Variants in ARHGAP17 observed in about 807,000 individuals in gnomAD.
The protein encoded by ARHGAP17 is Rho GTPase activating protein 17.
ARHGAP17 carries 57 observed loss-of-function variants against 99.5 expected under a neutral mutation model. The ratio of observed to expected loss-of-function variants is 0.57; its 90% CI spans 0.46 to 0.71. ARHGAP17 has a LOEUF of 0.71. Ranked by LOEUF, ARHGAP17 falls within the 30% of genes least tolerant of loss-of-function variation. The pLI is 0.00. For synonymous variants in ARHGAP17, 417 were observed against 429.6 expected, an observed-to-expected ratio of 0.97 and a Z score of 0.36; for missense variants, 1,000 against 1,122.4, an observed-to-expected ratio of 0.89 and a Z score of 1.56.
At chr16:24,934,751 C>T (rs527458057) in intron 18 of ARHGAP17, among the ~76,000 whole-genome samples, 263 of 152,302 alleles carry the variant, frequency 1.7e-3, no homozygotes, top group African/African-American at 5.9e-3. Flanking sequence ...GCCACCACGC[C>T]CAGCTGGAAG....
intron 9 of ARHGAP17, among the ~76,000 whole-genome samples, chr16:24,958,764 C>T (rs957297416): frequency 6.6e-6 from 1 of 152,194 alleles, no homozygotes; most frequent in Non-Finnish European, 1.5e-5. Flanking sequence ...CCCCACAACA[C>T]ACACAGACAC....
intron 1 of ARHGAP17, among the ~76,000 whole-genome samples, chr16:24,989,081 A>G (rs763538026): frequency 6.6e-6 from 1 of 152,240 alleles, no homozygotes; most frequent in African/African-American, 2.4e-5. Flanking sequence ...TGAGGCAGCC[A>G]GAGGCTAGGA....
At chr16:24,959,875 C>G in intron 8 of ARHGAP17, 36 bp downstream of exon 8, 1 of 1,609,164 alleles carries the variant, frequency 6.2e-7, no homozygotes, top group Non-Finnish European at 8.5e-7. Context: ...TCCATTTTAA[C>G]AATGCTTTAA....
chr16:24,927,780 T>G (rs2050879904), intron 19 of ARHGAP17: 1 of 824,908 alleles, frequency 1.2e-6, no homozygotes, highest in Admixed American at 3.4e-5. Context: ...TTTGCTAAAA[T>G]CTATTACTTC....
intron 7 of ARHGAP17, among the ~76,000 whole-genome samples, chr16:24,963,707 A>G (rs578037991): frequency 5.3e-5 from 8 of 152,366 alleles, no homozygotes; most frequent in African/African-American, 1.9e-4. Flanking sequence ...CCAAATTACA[A>G]ACCAATTGTT....
intron 9 of ARHGAP17, 39 bp downstream of exon 9, chr16:24,959,632 G>C (rs754384836): frequency 1.3e-6 from 2 of 1,596,054 alleles, no homozygotes; most frequent in Admixed American, 1.7e-5. Flanking sequence ...AGGTGGCAGA[G>C]GCAAGAAGGA....
chr16:24,982,114 AT>A (rs1274367365), intron 1 of ARHGAP17, among the ~76,000 whole-genome samples: 1 of 151,616 alleles, frequency 6.6e-6, no homozygotes. Context: ...TTTTAAATCA[AT>A]TTTAGAGGTT....
chr16:24,953,105 T>G, intron 10 of ARHGAP17, 63 bp from the exon 11 acceptor site: 5 of 1,426,728 alleles, frequency 3.5e-6, no homozygotes, highest in Non-Finnish European at 4.9e-6. Flanking sequence ...TAAGTGGCAG[T>G]GTGTTCTGAT....
intron 10 of ARHGAP17, among the ~76,000 whole-genome samples, chr16:24,953,615 C>T (rs1055033832): frequency 6.6e-6 from 1 of 152,292 alleles, no homozygotes; most frequent in African/African-American, 2.4e-5. Context: ...TGTAAGTTTC[C>T]TGAGGCCTCT....
rs115839487 is a variant in ARHGAP17 at position 24,982,685 on chromosome 16, G to A, written c.54-3680C>T. Among the ~76,000 whole-genome samples the A allele has an allele frequency of 1.1e-4, 16 of 151,962 alleles. No individual in the cohort carries two copies. The South Asian group carries it at 1.7e-3, about 16-fold the overall frequency. On this transcript the variant is annotated intron_variant, in intron 1 of 19. Transcript: ENST00000289968. ...GGTCCAAGCCTTGGTGCTTCCTATC[G>A]TGAACTGTTTTGCAGTGTTCACCTT... is the stretch of plus-strand genomic sequence containing the variant.
intron 1 of ARHGAP17, among the ~76,000 whole-genome samples, chr16:24,985,384 A>G (rs752800748): frequency 5.9e-5 from 9 of 152,360 alleles, no homozygotes; most frequent in Non-Finnish European, 8.8e-5. Flanking sequence ...AGGTGGCAGC[A>G]GGGCTGAATG....
intron 19 of ARHGAP17, among the ~76,000 whole-genome samples, chr16:24,925,469 A>G (rs1038458082): frequency 6.6e-6 from 1 of 152,242 alleles, no homozygotes; most frequent in African/African-American, 2.4e-5. Flanking sequence ...GTGTAATTTT[A>G]TCAGGAACTG....
chr16:24,920,610 T>G (rs1024138422), intron 19 of ARHGAP17: 1 of 214,400 alleles, frequency 4.7e-6, no homozygotes, highest in Non-Finnish European at 9.5e-6. Flanking sequence ...TGATGGCCCC[T>G]GGGCTGCCCT....
At chr16:24,923,495 T>A (rs1306090413) in intron 19 of ARHGAP17, among the ~76,000 whole-genome samples, 1 of 151,774 alleles carries the variant, frequency 6.6e-6, no homozygotes. Flanking sequence ...CTGGGCGTGG[T>A]GGGATGATGG....
intron 7 of ARHGAP17, among the ~76,000 whole-genome samples, chr16:24,963,043 C>T (rs1185869163): frequency 6.6e-6 from 1 of 152,204 alleles, no homozygotes; most frequent in African/African-American, 2.4e-5. Flanking sequence ...GAACAGACAT[C>T]AGCCCATGAT....
At chr16:24,932,368 G>A (rs531829032) in intron 18 of ARHGAP17, among the ~76,000 whole-genome samples, 1 of 152,236 alleles carries the variant, frequency 6.6e-6, no homozygotes, top group African/African-American at 2.4e-5. Flanking sequence ...AGTTCAATAA[G>A]AAGAAAACTG....
At chr16:24,939,044 G>A (rs1185176668) in intron 17 of ARHGAP17, among the ~76,000 whole-genome samples, 2 of 152,208 alleles carry the variant, frequency 1.3e-5, no homozygotes, top group Non-Finnish European at 2.9e-5. Context: ...TGAACAGAAG[G>A]TACATGAATG....
intron 1 of ARHGAP17, among the ~76,000 whole-genome samples, chr16:24,985,276 C>A (rs976373103): frequency 3.3e-5 from 5 of 152,182 alleles, no homozygotes; most frequent in Non-Finnish European, 5.9e-5. Context: ...GCTGCTGTAA[C>A]AAATCACCAC....
At chr16:24,947,678 A>T in intron 13 of ARHGAP17, 83 bp from the exon 14 acceptor site, 1 of 1,195,834 alleles carries the variant, frequency 8.4e-7, no homozygotes, top group South Asian at 1.2e-5. Flanking sequence ...GCACAATCCC[A>T]GTTTGCTCAG....
Sources: allele counts gnomAD v4.1 joint callset (sites outside exome capture counted in the v4.1 genomes callset), GRCh38; gene constraint gnomAD v4.1.1; transcripts MANE v1.5; gene names NCBI Gene and HGNC (gene_info 2026-07-23, HGNC 2026-07-21).